Variants in RNF144A observed in about 807,000 individuals in gnomAD.
The protein encoded by RNF144A is ring finger protein 144A.
In RNF144A, 11 loss-of-function variants were observed where a neutral mutation model predicts 38.7. The ratio of observed to expected loss-of-function variants is 0.28; its 90% CI spans 0.18 to 0.47. The LOEUF (loss-of-function observed/expected upper bound fraction) is 0.47. Among genes scored for constraint, RNF144A ranks in the 20% least tolerant of loss-of-function variants. RNF144A has a pLI of 0.99. For synonymous variants in RNF144A, 149 were observed against 143.9 expected (o/e 1.04, Z -0.25); for missense variants, 316 against 377.2 (o/e 0.84, Z 1.34).
At chr2:6,920,520 C>G (rs960873529) in intron 1 of RNF144A, among the ~76,000 whole-genome samples, 3 of 152,166 alleles carry the variant, frequency 2.0e-5, no homozygotes. Flanking sequence ...TGGAACCATT[C>G]AGGATGATAT....
intron 1 of RNF144A, among the ~76,000 whole-genome samples, chr2:6,924,233 G>A (rs1664721756): frequency 6.6e-6 from 1 of 152,226 alleles, no homozygotes; most frequent in Non-Finnish European, 1.5e-5. Flanking sequence ...TGGGTACCGT[G>A]GTTGTGTAGA....
intron 3 of RNF144A, among the ~76,000 whole-genome samples, chr2:7,001,790 G>C (rs930005363): frequency 1.3e-5 from 2 of 152,228 alleles, no homozygotes; most frequent in African/African-American, 4.8e-5. Flanking sequence ...AGAACTAGAT[G>C]GTTGGTTGAG....
chr2:6,971,448 C>T (rs1667995146), intron 2 of RNF144A, among the ~76,000 whole-genome samples: 3 of 152,182 alleles, frequency 2.0e-5, no homozygotes, highest in Admixed American at 1.3e-4. Flanking sequence ...ATGGAGCAAA[C>T]CAGGTCATGG....
Position 7,041,579 on chromosome 2 carries a change from C to A in RNF144A, c.*1819C>A. 2 of 986,028 alleles carry A rather than the reference C, an allele frequency of 2.0e-6. No individual in the cohort carries two copies. The highest frequency in any genetic ancestry group is 2.4e-6 in the Non-Finnish European group (2 of 829,968). The allele number at this position is 986,028 out of a possible 1,614,324, so 61.1% of individuals were successfully genotyped here. On this transcript the variant is annotated 3_prime_UTR_variant, in exon 9 of 9. Coordinates refer to ENST00000320892, the MANE Select transcript of RNF144A (RefSeq NM_014746.6). ...GTGATGGTGTCTACTGTTAGAATAGCTTTTCTGGAGGTGGGTGGCAACTCC... is the reference window on the plus strand; with the variant it reads ...GTGATGGTGTCTACTGTTAGAATAGATTTTCTGGAGGTGGGTGGCAACTCC...
intron 3 of RNF144A, among the ~76,000 whole-genome samples, chr2:7,004,731 A>G (rs998460054): frequency 2.0e-5 from 3 of 152,138 alleles, no homozygotes; most frequent in African/African-American, 7.2e-5. Context: ...GCCATCCTAA[A>G]CTACAGGACT....
At chr2:6,955,692 A>G (rs1666958272) in intron 2 of RNF144A, among the ~76,000 whole-genome samples, 1 of 152,076 alleles carries the variant, frequency 6.6e-6, no homozygotes, top group South Asian at 2.1e-4. Context: ...GCATCCTAGC[A>G]CCGTGCCTGC....
downstream of RNF144A, among the ~76,000 whole-genome samples, chr2:7,045,017 A>C (rs562571047): frequency 6.6e-6 from 1 of 152,234 alleles, no homozygotes; most frequent in Non-Finnish European, 1.5e-5. Flanking sequence ...CGGGCACAGC[A>C]CAGCCCTTCG....
intron 2 of RNF144A, among the ~76,000 whole-genome samples, chr2:6,977,197 G>A (rs952909694): frequency 1.3e-5 from 2 of 152,220 alleles, no homozygotes; most frequent in African/African-American, 4.8e-5. Flanking sequence ...TTTATAGGTG[G>A]AAAATAAGCC....
intron 1 of RNF144A, among the ~76,000 whole-genome samples, chr2:6,940,710 G>A (rs1665910717): frequency 6.6e-6 from 1 of 152,094 alleles, no homozygotes; most frequent in Admixed American, 6.5e-5. Flanking sequence ...TCGAGGGACA[G>A]TTTGTTATCT....
At chr2:6,937,737 A>C (rs559500966) in intron 1 of RNF144A, among the ~76,000 whole-genome samples, 1 of 152,250 alleles carries the variant, frequency 6.6e-6, no homozygotes, top group South Asian at 2.1e-4. Flanking sequence ...TGCTCTGTGC[A>C]CGGCCAGGTG....
chr2:7,024,772 A>T (rs917978290), intron 7 of RNF144A, among the ~76,000 whole-genome samples: 2 of 152,130 alleles, frequency 1.3e-5, no homozygotes, highest in African/African-American at 4.8e-5. Context: ...CTGGGATTTA[A>T]AGGGGTTTTA....
intron 2 of RNF144A, among the ~76,000 whole-genome samples, chr2:6,956,797 T>C (rs1667029170): frequency 2.0e-5 from 3 of 152,202 alleles, no homozygotes; most frequent in Non-Finnish European, 2.9e-5. Context: ...CTGATAAGCT[T>C]TCAGCAAATA....
intron 2 of RNF144A, among the ~76,000 whole-genome samples, chr2:6,969,672 A>G (rs1214827470): frequency 1.3e-5 from 2 of 152,272 alleles, no homozygotes; most frequent in African/African-American, 2.4e-5. Flanking sequence ...ACAATGCCAC[A>G]GGTGAAAACA....
chr2:7,051,839 G>T (rs1350213899), intron 6 of RNF144A, among the ~76,000 whole-genome samples: 1 of 152,152 alleles, frequency 6.6e-6, no homozygotes, highest in Non-Finnish European at 1.5e-5. Flanking sequence ...AGATGAAGAT[G>T]TTCTGCCCTG....
intron 3 of RNF144A, among the ~76,000 whole-genome samples, chr2:7,012,407 T>G (rs1433648863): frequency 6.6e-6 from 1 of 152,096 alleles, no homozygotes; most frequent in Non-Finnish European, 1.5e-5. Context: ...TATTGTCAAG[T>G]GCAGGGAGAT....
At chr2:6,984,437 G>A (rs1415674619) in intron 2 of RNF144A, among the ~76,000 whole-genome samples, 6 of 151,996 alleles carry the variant, frequency 3.9e-5, no homozygotes, top group Admixed American at 1.3e-4. Flanking sequence ...CGAGTAGCTG[G>A]GATTACAGGC....
intron 3 of RNF144A, among the ~76,000 whole-genome samples, chr2:7,000,529 T>C (rs1237489710): frequency 6.6e-6 from 1 of 152,228 alleles, no homozygotes; most frequent in Non-Finnish European, 1.5e-5. Context: ...ATTAGAGCTA[T>C]TTAGGTCTGT....
intron 2 of RNF144A, among the ~76,000 whole-genome samples, chr2:6,996,190 C>G (rs942835546): frequency 6.6e-6 from 1 of 152,214 alleles, no homozygotes; most frequent in Non-Finnish European, 1.5e-5. Flanking sequence ...CCACCCCCAC[C>G]AAGCCCTTCT....
chr2:7,046,082 AC>A (rs1336011832), downstream of RNF144A, among the ~76,000 whole-genome samples: 2 of 152,248 alleles, frequency 1.3e-5, no homozygotes, highest in Non-Finnish European at 2.9e-5. Context: ...AATGGCACAG[AC>A]TTTGATAGCA....
Sources: allele counts gnomAD v4.1 joint callset (sites outside exome capture counted in the v4.1 genomes callset), GRCh38; gene constraint gnomAD v4.1.1; transcripts MANE v1.5; gene names NCBI Gene and HGNC (gene_info 2026-07-23, HGNC 2026-07-21).